Variants in RRM2 observed in about 807,000 individuals in gnomAD.
RRM2 encodes the protein ribonucleoside-diphosphate reductase subunit M2.
A neutral mutation model predicts 45.9 loss-of-function variants in RRM2; 6 were observed. The ratio of observed to expected loss-of-function variants is 0.13; its 90% CI spans 0.07 to 0.26. The LOEUF (loss-of-function observed/expected upper bound fraction) is 0.26, where lower values mean the gene tolerates loss of function less well. Ranked by LOEUF, RRM2 falls within the 10% of genes least tolerant of loss-of-function variation. RRM2 has a pLI of 1.00. For missense variants in RRM2, 343 were observed against 489.5 expected (o/e 0.70, Z 2.82); for synonymous variants, 177 against 173.0 (o/e 1.02, Z -0.18).
Position 10,129,275 on chromosome 2 carries a change from T to G in RRM2, c.1059T>G (p.Ile353Met), listed in dbSNP as rs778621406. 1.2e-6 allele frequency: 2 copies of G among 1,614,160 alleles called. No homozygotes were observed. The highest frequency in any genetic ancestry group is 1.7e-6 in the Non-Finnish European group (2 of 1,180,008). The change falls in exon 10 of 10, where the codon ATT becomes ATG. Residue 353 changes from isoleucine (I) to methionine (M), a missense_variant. Physicochemically the swap from Ile to Met is conservative, Grantham distance 10. Around this residue, in one of 2 missense-constraint regions of RRM2, gnomAD observed 212 missense variants for 368.1 expected, o/e 0.58. Transcript: ENST00000304567. This position sits in a 1 kb window ranked among gnomAD's most constrained non-coding sequence, Gnocchi z 4.8. ...VENPFDFMEN[I>M]SLEGKTNFFE... The stretch of plus-strand genomic sequence containing the variant: ...ACCCATTTGACTTTATGGAGAATAT[T>G]TCACTGGAAGGAAAGACTAACTTCT...
At position 10,172,173 on chromosome 2, in the gene RRM2, C is replaced by T. The variant is rs1482229904; in HGVS notation, n.482+29798C>T. On this transcript the variant is annotated intron_variant and non_coding_transcript_variant, in intron 3 of 3. Coordinates refer to the RRM2 transcript ENST00000381786. This position sits in a 1 kb window ranked among gnomAD's most constrained non-coding sequence, Gnocchi z 4.9. The stretch of plus-strand genomic sequence containing the variant: ...GAGTCCTGCCCTACATACTAACTAG[C>T]CTGCTGTGTCGCCTTGCAAGGGGTG... Among the ~76,000 whole-genome samples, 3 of 152,188 alleles carry T rather than the reference C, an allele frequency of 2.0e-5. No homozygotes were observed. The highest frequency in any genetic ancestry group is 1.9e-4 in the East Asian group (1 of 5,196).
At chr2:10,196,773 G>C (rs567512451) in intron 3 of RRM2, among the ~76,000 whole-genome samples, 1 of 152,248 alleles carries the variant, frequency 6.6e-6, no homozygotes, top group Non-Finnish European at 1.5e-5. Context: ...AGCCAGAGCC[G>C]GGAGGCCAGA....
At chr2:10,189,088 G>A (rs988734864) in intron 3 of RRM2, among the ~76,000 whole-genome samples, 3 of 152,180 alleles carry the variant, frequency 2.0e-5, no homozygotes, top group South Asian at 4.1e-4. Flanking sequence ...GGGGAATGGA[G>A]GCACAGGAGG....
chr2:10,128,531 A>C (rs1002178002), intron 7 of RRM2, among the ~76,000 whole-genome samples: 1 of 152,168 alleles, frequency 6.6e-6, no homozygotes, highest in South Asian at 2.1e-4. Context: ...CAAAATTAGC[A>C]CTCATGGCTG....
downstream of RRM2, among the ~76,000 whole-genome samples, chr2:10,135,711 A>G (rs1447681735): frequency 1.3e-5 from 2 of 152,220 alleles, no homozygotes; most frequent in African/African-American, 4.8e-5. Context: ...AACACTTAAG[A>G]GTGTAAACAA....
chr2:10,142,078 T>C (rs2125312072), intron 2 of RRM2: 1 of 1,596,654 alleles, frequency 6.3e-7, no homozygotes, highest in Non-Finnish European at 8.6e-7. Flanking sequence ...GACCACGTGG[T>C]TAGGGGAGGA....
chr2:10,176,013 TCATC>T (rs1663907943), intron 3 of RRM2, among the ~76,000 whole-genome samples: 2 of 152,346 alleles, frequency 1.3e-5, no homozygotes, highest in African/African-American at 4.8e-5. Flanking sequence ...TCTTCAGAGT[TCATC>T]CATATCTGTA....
At chr2:10,182,501 TAC>T (rs906185596) in intron 3 of RRM2, among the ~76,000 whole-genome samples, 1 of 152,098 alleles carries the variant, frequency 6.6e-6, no homozygotes. Context: ...AAAATAAATA[TAC>T]ACAGTTTTAA....
intron 3 of RRM2, among the ~76,000 whole-genome samples, chr2:10,203,225 T>C (rs753495203): frequency 1.3e-5 from 2 of 152,198 alleles, no homozygotes; most frequent in Non-Finnish European, 2.9e-5. Context: ...TAGCTTATTC[T>C]CTCACTCATT....
chr2:10,141,982 G>A (rs368671651), intron 2 of RRM2: 106 of 1,569,822 alleles, frequency 6.8e-5, no homozygotes, highest in Non-Finnish European at 9.1e-5. Context: ...AAGCTCTGAA[G>A]ACAAGGAAAG....
chr2:10,200,613 G>C (rs865904828), intron 3 of RRM2, among the ~76,000 whole-genome samples: 5 of 67,276 alleles, frequency 7.4e-5, no homozygotes, highest in South Asian at 5.1e-4. Flanking sequence ...GGCCCACAGG[G>C]ACCGCGCGCG....
chr2:10,123,407 C>G lies in RRM2; in HGVS notation c.195C>G (p.Pro65=), dbSNP rs767662786. The change falls in exon 3 of 10, where the codon CCC becomes CCG. Residue 65 remains proline, a synonymous_variant. Transcript: ENST00000304567. ...PTEPKTKAAA[P]GVEDEPLLRE... ...AACAGAAAACTAAAGCAGCTGCCCC[C>G]GGCGTGGAGGATGAGCCGCTGCTGA... 3.1e-6 allele frequency: 5 copies of G among 1,607,726 alleles called. No individual in the cohort carries two copies. The highest frequency in any genetic ancestry group is 4.2e-6 in the Non-Finnish European group (5 of 1,178,442).
chr2:10,159,321 C>T (rs1663504566), intron 3 of RRM2, among the ~76,000 whole-genome samples: 1 of 152,212 alleles, frequency 6.6e-6, no homozygotes, highest in Admixed American at 6.5e-5. Context: ...AGCATTTTCC[C>T]CTGACTGGTT....
rs112014875 is a variant in RRM2, at chr2:10,161,826, A to T, written n.482+19451A>T. Among the ~76,000 whole-genome samples, 1,123 of 152,332 alleles carry T rather than the reference A, an allele frequency of 7.4e-3. 18 individuals carry two copies. Among genetic ancestry groups the T allele is most frequent in the African/African-American group, 0.025 (1,034 of 41,578 alleles). On this transcript the variant is annotated intron_variant and non_coding_transcript_variant, in intron 3 of 3. Coordinates refer to the RRM2 transcript ENST00000381786. Reference sequence around the variant, plus strand: ...AGCTGATTCAGAGAGGCTAAGGGGCATCCCTAACGTCACACAGCTAAGAGG... The same window carrying T: ...AGCTGATTCAGAGAGGCTAAGGGGCTTCCCTAACGTCACACAGCTAAGAGG...
intron 3 of RRM2, among the ~76,000 whole-genome samples, chr2:10,165,014 C>T (rs879341795): frequency 1.3e-5 from 2 of 152,186 alleles, no homozygotes; most frequent in African/African-American, 2.4e-5. Flanking sequence ...TCCTTTTGCC[C>T]GAACACAGCT....
intron 3 of RRM2, among the ~76,000 whole-genome samples, chr2:10,156,725 G>C (rs887159044): frequency 2.0e-5 from 3 of 152,184 alleles, no homozygotes; most frequent in Non-Finnish European, 4.4e-5. Context: ...TGTAACTTCC[G>C]CCTCCTGGGC....
intron 3 of RRM2, among the ~76,000 whole-genome samples, chr2:10,201,613 C>T (rs1664572033): frequency 6.6e-6 from 1 of 152,136 alleles, no homozygotes; most frequent in African/African-American, 2.4e-5. Context: ...TAAAGAGGAC[C>T]AAAACAAGAC....
At chr2:10,139,602 C>T (rs1483383653), upstream of RRM2, among the ~76,000 whole-genome samples, 1 of 152,180 alleles carries the variant, frequency 6.6e-6, no homozygotes, top group Non-Finnish European at 1.5e-5. Flanking sequence ...TGTTCTTTCT[C>T]ATCTCTCTTG....
At chr2:10,177,684 T>C (rs143276054) in intron 3 of RRM2, among the ~76,000 whole-genome samples, 3,814 of 150,552 alleles carry the variant, frequency 0.025, 166 homozygotes, top group African/African-American at 0.09. Context: ...CCTTCCTTCC[T>C]TCCTTCCTTC....
Sources: gnomAD v4.1 joint callset for allele counts (sites outside exome capture counted in the v4.1 genomes callset) on GRCh38, gnomAD v4.1.1 for gene constraint, gnomAD v4.1.1 regional missense constraint, Gnocchi (gnomAD v3.1) non-coding constraint, MANE v1.5 for transcripts, NCBI Gene and HGNC (gene_info 2026-07-23, HGNC 2026-07-21) for gene names.